Variants in BRINP3 observed in about 807,000 individuals in gnomAD.
BRINP3 encodes the protein BMP/retinoic acid inducible neural specific 3.
BRINP3 carries 19 observed loss-of-function variants against 71.0 expected under a neutral mutation model. The ratio of observed to expected loss-of-function variants is 0.27; its 90% confidence interval spans 0.19 to 0.39. The LOEUF (loss-of-function observed/expected upper bound fraction) is 0.39. Among genes scored for constraint, BRINP3 ranks in the 10% least tolerant of loss-of-function variants. BRINP3 has a pLI of 1.00. For missense variants in BRINP3, 959 were observed against 940.8 expected, an observed-to-expected ratio of 1.02 and a Z score of -0.25; for synonymous variants, 380 against 337.7, an observed-to-expected ratio of 1.13 and a Z score of -1.37.
At chr1:190,129,925 TA>T (rs1391055416) in intron 7 of BRINP3, among the ~76,000 whole-genome samples, 3 of 152,014 alleles carry the variant, frequency 2.0e-5, no homozygotes, top group Non-Finnish European at 4.4e-5. Flanking sequence ...AACATTCCTA[TA>T]AGATTCAAAT....
intron 7 of BRINP3, among the ~76,000 whole-genome samples, chr1:190,125,714 A>G (rs1439326974): frequency 1.3e-5 from 2 of 152,040 alleles, no homozygotes; most frequent in Non-Finnish European, 2.9e-5. Flanking sequence ...TAAACTTTTT[A>G]GCTGAGTACA....
At chr1:190,471,303 C>CA (rs1677123125) in intron 1 of BRINP3, among the ~76,000 whole-genome samples, 1 of 150,874 alleles carries the variant, frequency 6.6e-6, no homozygotes, top group African/African-American at 2.4e-5. Context: ...GGCTCATTTT[C>CA]AAAAAACAGG....
At chr1:190,247,711 T>C (rs1659738072) in intron 4 of BRINP3, among the ~76,000 whole-genome samples, 1 of 151,916 alleles carries the variant, frequency 6.6e-6, no homozygotes, top group Non-Finnish European at 1.5e-5. Context: ...AATTCCTTTT[T>C]TCTTTTCGTC....
intron 6 of BRINP3, among the ~76,000 whole-genome samples, chr1:190,179,046 G>A (rs993178660): frequency 4.6e-5 from 7 of 152,134 alleles, no homozygotes; most frequent in East Asian, 1.9e-4. Context: ...TATTTAAAAC[G>A]TCTCAGCAAA....
At chr1:190,403,429 G>T (rs922848451) in intron 2 of BRINP3, among the ~76,000 whole-genome samples, 1 of 152,136 alleles carries the variant, frequency 6.6e-6, no homozygotes, top group African/African-American at 2.4e-5. Context: ...TTCTAACAGG[G>T]TGAATACAAA....
intron 4 of BRINP3, among the ~76,000 whole-genome samples, chr1:190,241,347 T>C (rs951434432): frequency 6.6e-6 from 1 of 152,086 alleles, no homozygotes; most frequent in Non-Finnish European, 1.5e-5. Context: ...GAGCTAGAAC[T>C]GGGACTTAGA....
At chr1:190,433,699 G>A (rs886150944) in intron 2 of BRINP3, among the ~76,000 whole-genome samples, 1 of 151,942 alleles carries the variant, frequency 6.6e-6, no homozygotes, top group Non-Finnish European at 1.5e-5. Flanking sequence ...TATCTACCTC[G>A]TTCCATTGTC....
intron 2 of BRINP3, among the ~76,000 whole-genome samples, chr1:190,389,254 T>C (rs1027985208): frequency 1.3e-5 from 2 of 151,640 alleles, no homozygotes; most frequent in Admixed American, 1.3e-4. Context: ...TAACATCCTG[T>C]GATCTCTTTC....
At position 190,407,583 on chromosome 1, in the gene BRINP3, A is replaced by G. The variant is rs76566061; in HGVS notation, c.236+47072T>C. Reference sequence around the variant, plus strand: ...AAGAATCAACATTCAAGAAAAAACAATGTACCATTAAATTTATTTATTCAA... The same window carrying G: ...AAGAATCAACATTCAAGAAAAAACAGTGTACCATTAAATTTATTTATTCAA... On this transcript the variant is annotated intron_variant, in intron 2 of 7. Coordinates refer to ENST00000367462, the MANE Select transcript of BRINP3 (RefSeq NM_199051.3). Among the ~76,000 whole-genome samples the G allele has an allele frequency of 5.2e-3, 788 of 152,324 alleles. 7 individuals carry two copies. The highest frequency in any genetic ancestry group is 0.018 in the African/African-American group (737 of 41,566).
chr1:190,383,314 T>C (rs1340511817), intron 2 of BRINP3, among the ~76,000 whole-genome samples: 1 of 152,136 alleles, frequency 6.6e-6, no homozygotes, highest in African/African-American at 2.4e-5. Flanking sequence ...GGTTGCAATA[T>C]TATGGCATTT....
chr1:190,179,436 C>G lies in BRINP3; in HGVS notation c.962-18546G>C, dbSNP rs187336660. Among the ~76,000 whole-genome samples the G allele has an allele frequency of 2.6e-3, 397 of 152,130 alleles. 1 individual carries two copies. The highest frequency in any genetic ancestry group is 7.3e-3 in the Admixed American group (111 of 15,262). On this transcript the variant is annotated intron_variant, in intron 6 of 7. Coordinates refer to ENST00000367462, the MANE Select transcript of BRINP3 (RefSeq NM_199051.3). ...GAAGAAAACATAATTATATTGAGAACCCCAAAAGACTGTTTGTAATCTTAA... is the reference window on the plus strand; with the variant it reads ...GAAGAAAACATAATTATATTGAGAAGCCCAAAAGACTGTTTGTAATCTTAA...
At chr1:190,380,642 G>A (rs945375001) in intron 2 of BRINP3, among the ~76,000 whole-genome samples, 1 of 152,092 alleles carries the variant, frequency 6.6e-6, no homozygotes, top group Non-Finnish European at 1.5e-5. Context: ...ATTATGATCA[G>A]TAAAAGTATC....
chr1:190,126,668 A>G (rs1304771532), intron 7 of BRINP3, among the ~76,000 whole-genome samples: 3 of 151,714 alleles, frequency 2.0e-5, no homozygotes, highest in Non-Finnish European at 4.4e-5. Context: ...TCTTTGTTCA[A>G]ATTTTGCCTC....
intron 2 of BRINP3, among the ~76,000 whole-genome samples, chr1:190,300,996 T>G (rs1390676273): frequency 1.3e-5 from 2 of 151,628 alleles, no homozygotes; most frequent in African/African-American, 4.8e-5. Flanking sequence ...GGGAGGACAT[T>G]CAAAGCAAAG....
In BRINP3 at chr1:190,226,083, T is replaced by A. The variant is rs1657348873; in HGVS notation, c.960A>T (p.Ser320=). 1.3e-6 allele frequency: 2 copies of A among 1,570,528 alleles called. No homozygotes were observed. Among genetic ancestry groups the A allele is most frequent in the South Asian group, 1.2e-5 (1 of 86,596 alleles). ...GTTATATTAAAATACATGTCTTACC[T>A]GATTCCTCAAAGTCACTGTTGTAAG... The part of the protein sequence containing the change: ...WKAYNSDFEE[S]DEFKLFMKRL... The change falls in exon 6 of 8, where the codon TCA becomes TCT. Residue 320 remains serine, a splice_region_variant and synonymous_variant. Coordinates refer to ENST00000367462, the MANE Select transcript of BRINP3 (RefSeq NM_199051.3).
Position 190,453,203 on chromosome 1 carries a change from A to ATTTTTTTTTTTTTTTTTTTTTTT in BRINP3, c.236+1429_236+1451dup, listed in dbSNP as rs1190785225. Among the ~76,000 whole-genome samples the ATTTTTTTTTTTTTTTTTTTTTTT allele has an allele frequency of 1.1e-3, 46 of 40,908 alleles. 19 individuals are homozygous for ATTTTTTTTTTTTTTTTTTTTTTT. Among genetic ancestry groups the ATTTTTTTTTTTTTTTTTTTTTTT allele is most frequent in the Non-Finnish European group, 1.4e-3 (34 of 23,712 alleles). 26.8% of individuals were successfully genotyped at this position (40,908 alleles called of 152,430 possible). ...ACTTTTCAGAAAGAAAAACTTTAGT[A>ATTTTTTTTTTTTTTTTTTTTTTT]TTTTTTTTTTTTTTTTTTTTTTTTT... On this transcript the variant is annotated intron_variant, in intron 2 of 7. Transcript: ENST00000367462.
chr1:190,240,171 T>C lies in BRINP3; in HGVS notation c.619-5694A>G, dbSNP rs181247232. On this transcript the variant is annotated intron_variant, in intron 4 of 7. Coordinates refer to ENST00000367462, the MANE Select transcript of BRINP3 (RefSeq NM_199051.3). ...TTCCAAACCATATATTTACCTAGAA[T>C]GAAAAAAATAGTTTTTTCTTGTAAG... Among the ~76,000 whole-genome samples, 867 of 151,990 alleles carry C rather than the reference T, an allele frequency of 5.7e-3. 8 individuals carry two copies. Among genetic ancestry groups the C allele is most frequent in the Admixed American group, 0.01 (157 of 15,236 alleles).
intron 6 of BRINP3, among the ~76,000 whole-genome samples, chr1:190,169,675 T>TA (rs1029797265): frequency 1.3e-5 from 2 of 152,160 alleles, no homozygotes; most frequent in Non-Finnish European, 2.9e-5. Flanking sequence ...ACTTGAGTGT[T>TA]AAAACCACAG....
chr1:190,409,871 G>A (rs2102403537), intron 2 of BRINP3, among the ~76,000 whole-genome samples: 1 of 152,110 alleles, frequency 6.6e-6, no homozygotes, highest in East Asian at 1.9e-4. Flanking sequence ...GAGAGGCAGA[G>A]AAAAATAAGA....
Sources: allele counts gnomAD v4.1 joint callset (sites outside exome capture counted in the v4.1 genomes callset), GRCh38; gene constraint gnomAD v4.1.1; transcripts MANE v1.5; gene names NCBI Gene and HGNC (gene_info 2026-07-23, HGNC 2026-07-21).